FAM83A: variants seen among roughly 807,000 people sequenced by gnomAD.
FAM83A encodes protein FAM83A.
FAM83A carries 21 observed loss-of-function variants against 24.4 expected under a neutral mutation model. The ratio of observed to expected loss-of-function variants is 0.86; its 90% confidence interval spans 0.61 to 1.24. The LOEUF (loss-of-function observed/expected upper bound fraction) is 1.24, where lower values mean the gene tolerates loss of function less well. FAM83A is among the 50% of genes most tolerant of loss of function. The pLI, the probability that FAM83A is intolerant of heterozygous loss-of-function variation, is 0.00. For synonymous variants in FAM83A, 270 were observed against 252.4 expected (o/e 1.07, Z -0.66); for missense variants, 617 against 579.8 (o/e 1.06, Z -0.66).
In FAM83A at chr8:123,207,516, CCCCGAGT is replaced by C; in HGVS notation, c.1137_1143del (p.Ser380ArgfsTer39). 1 of 1,571,500 alleles carries C rather than the reference CCCCGAGT, an allele frequency of 6.4e-7. No homozygotes were observed. The highest frequency in any genetic ancestry group is 8.6e-7 in the Non-Finnish European group (1 of 1,164,704). ...CAGCCCCACCAAGGCCCTTGGGGAG[CCCCGAGT>C]CCCCAGGCCCACCTCTCCCCGCGGC... On this transcript the variant is annotated frameshift_variant, in exon 4 of 4. Transcript: ENST00000690554. LOFTEE classifies it low-confidence loss of function (END_TRUNC).
At chr8:123,188,001 C>T (rs1823860161) in intron 1 of FAM83A, among the ~76,000 whole-genome samples, 1 of 152,060 alleles carries the variant, frequency 6.6e-6, no homozygotes, top group South Asian at 2.1e-4. Context: ...GCTGGGATTA[C>T]AGGCGCATGC....
At chr8:123,199,003 G>A (rs1824256816) in intron 3 of FAM83A, among the ~76,000 whole-genome samples, 1 of 152,178 alleles carries the variant, frequency 6.6e-6, no homozygotes, top group Non-Finnish European at 1.5e-5. Flanking sequence ...GCCTCCGAAA[G>A]TGCTGGGATT....
upstream of FAM83A, chr8:123,182,608 G>A (rs992745137): frequency 4.8e-5 from 33 of 691,566 alleles, no homozygotes; most frequent in East Asian, 1.7e-4. Context: ...CAGCCCTCCC[G>A]GCCCGAGGGC....
intron 1 of FAM83A, 110 bp downstream of exon 1, chr8:123,183,446 TG>T: frequency 6.8e-7 from 1 of 1,475,002 alleles, no homozygotes; most frequent in Non-Finnish European, 9.0e-7. Flanking sequence ...TCCAGATAAT[TG>T]GGGCTTCGGA....
At chr8:123,187,213 G>A (rs1167541327) in intron 1 of FAM83A, among the ~76,000 whole-genome samples, 1 of 152,162 alleles carries the variant, frequency 6.6e-6, no homozygotes, top group Admixed American at 6.5e-5. Context: ...TGTGATAAAG[G>A]GTGAAGACAG....
At chr8:123,186,434 G>A (rs973026894) in intron 1 of FAM83A, among the ~76,000 whole-genome samples, 4 of 152,152 alleles carry the variant, frequency 2.6e-5, no homozygotes, top group Admixed American at 6.5e-5. Flanking sequence ...GAGCGGAGCC[G>A]GAAGGGAACC....
At chr8:123,193,649 G>A (rs1456419227) in intron 2 of FAM83A, among the ~76,000 whole-genome samples, 7 of 152,172 alleles carry the variant, frequency 4.6e-5, no homozygotes. Context: ...ATAGACTGGT[G>A]GTTCATAACA....
intron 3 of FAM83A, chr8:123,202,143 A>C (rs1824380222): frequency 6.6e-6 from 1 of 152,386 alleles, no homozygotes; most frequent in South Asian, 2.1e-4. Flanking sequence ...AAACCACTTT[A>C]AAATCCTTCA....
At chr8:123,191,896 C>T (rs1315599119) in exon 2 of FAM83A, 1 of 1,614,176 alleles carries the variant, frequency 6.2e-7, no homozygotes, top group Admixed American at 1.7e-5. Flanking sequence ...CGTTTGTGTG[C>T]TCCTGGACCA....
rs535517146 is a variant in FAM83A at position 123,187,947 on chromosome 8, G to A, written c.481-3856G>A. On this transcript the variant is annotated intron_variant, in intron 1 of 3. Transcript: ENST00000690554. ...GCGATCTCAGCTCACTACAACCTCC[G>A]CCTCCCAGGTTCAAGCAATTCTTGT... Among the ~76,000 whole-genome samples the A allele has an allele frequency of 4.9e-4, 75 of 151,970 alleles. No homozygotes were observed. The East Asian group carries it at 0.012, about 23-fold the overall frequency.
intron 1 of FAM83A, among the ~76,000 whole-genome samples, chr8:123,183,778 C>T (rs1224141419): frequency 2.0e-5 from 3 of 151,326 alleles, no homozygotes; most frequent in South Asian, 2.1e-4. Flanking sequence ...TCACTGCAAC[C>T]TCCAACTCCC....
chr8:123,190,985 C>A (rs542523715), intron 1 of FAM83A, among the ~76,000 whole-genome samples: 9 of 152,300 alleles, frequency 5.9e-5, no homozygotes, highest in East Asian at 5.8e-4. Flanking sequence ...CATGTGACCA[C>A]CTCTGGACCA....
intron 3 of FAM83A, among the ~76,000 whole-genome samples, chr8:123,205,107 G>A (rs921517917): frequency 6.6e-6 from 1 of 151,678 alleles, no homozygotes; most frequent in Non-Finnish European, 1.5e-5. Flanking sequence ...GCAAGGCTGC[G>A]TCTCAAAAAA....
At chr8:123,186,962 A>G (rs1331318674) in intron 1 of FAM83A, among the ~76,000 whole-genome samples, 3 of 152,162 alleles carry the variant, frequency 2.0e-5, no homozygotes, top group Admixed American at 2.0e-4. Flanking sequence ...GAGAGGAGAA[A>G]GAATTAGACG....
At chr8:123,191,419 A>G (rs1823969610) in intron 1 of FAM83A, among the ~76,000 whole-genome samples, 2 of 152,204 alleles carry the variant, frequency 1.3e-5, no homozygotes, top group South Asian at 2.1e-4. Context: ...TCTAGCTCCA[A>G]GTGGCTGAGA....
chr8:123,183,765 G>A (rs1310232640), intron 1 of FAM83A, among the ~76,000 whole-genome samples: 10 of 145,982 alleles, frequency 6.9e-5, no homozygotes, highest in Admixed American at 1.4e-4. Context: ...GCACTATCTC[G>A]GGTCACTGCA....
chr8:123,186,972 G>T (rs1823820401), intron 1 of FAM83A, among the ~76,000 whole-genome samples: 2 of 152,166 alleles, frequency 1.3e-5, no homozygotes, highest in Non-Finnish European at 2.9e-5. Flanking sequence ...AGAATTAGAC[G>T]ATGGCAGTCC....
rs1265965923 is a variant in FAM83A at position 123,209,381 on chromosome 8, A to G, written c.*1693A>G. On this transcript the variant is annotated 3_prime_UTR_variant, in exon 4 of 4. Transcript: ENST00000690554. This position sits in a 1 kb window ranked among gnomAD's most constrained non-coding sequence, Gnocchi z 4.7. The stretch of plus-strand genomic sequence containing the variant: ...TCTGGTTTCTTTTATTATTATTATT[A>G]TTATTAATTATTGTATTCCTGTCCT... 1 of 1,502,030 alleles carries G rather than the reference A, an allele frequency of 6.7e-7. No homozygotes were observed. Among genetic ancestry groups the G allele is most frequent in the Admixed American group, 2.3e-5 (1 of 44,222 alleles). The allele number at this position is 1,502,030 out of a possible 1,614,324, so 93.0% of individuals were successfully genotyped here. A position where few individuals can be genotyped will look rare whatever the true frequency, so the allele number is the denominator to read the frequency against.
intron 1 of FAM83A, 84 bp downstream of exon 1, chr8:123,183,420 G>A: frequency 2.6e-6 from 4 of 1,528,012 alleles, no homozygotes; most frequent in Non-Finnish European, 3.5e-6. Context: ...GGTGCATTTT[G>A]CTCCCAGGGC....
Sources: gnomAD v4.1 joint callset for allele counts (sites outside exome capture counted in the v4.1 genomes callset) on GRCh38, gnomAD v4.1.1 for gene constraint, Gnocchi (gnomAD v3.1) non-coding constraint, MANE v1.5 for transcripts, NCBI Gene and HGNC (gene_info 2026-07-23, HGNC 2026-07-21) for gene names.